Variants in TRPM3 observed in about 807,000 individuals in gnomAD.
The protein encoded by TRPM3 is transient receptor potential cation channel subfamily M member 3, also known as long transient receptor potential channel 3.
TRPM3 carries 77 observed loss-of-function variants against 181.2 expected under a neutral mutation model. The observed-to-expected ratio is 0.42, with a 90% CI of 0.35 to 0.51. TRPM3 has a LOEUF of 0.51. Among genes scored for constraint, TRPM3 ranks in the 20% least tolerant of loss-of-function variants. TRPM3 has a pLI of 0.01. For synonymous variants in TRPM3, 745 were observed against 796.4 expected (o/e 0.94, Z 1.09); for missense variants, 1,759 against 2,196.7 (o/e 0.80, Z 3.98).
At chr9:71,391,125 C>T (rs1171978261) in intron 1 of TRPM3, among the ~76,000 whole-genome samples, 1 of 151,704 alleles carries the variant, frequency 6.6e-6, no homozygotes, top group Non-Finnish European at 1.5e-5. Flanking sequence ...CTCCCTAAGA[C>T]CACCGCTGCC....
intron 1 of TRPM3, among the ~76,000 whole-genome samples, chr9:71,364,295 T>C (rs2092261456): frequency 6.6e-6 from 1 of 152,220 alleles, no homozygotes; most frequent in African/African-American, 2.4e-5. Flanking sequence ...TGTTGAAAAC[T>C]AATTCTTGAA....
At chr9:70,608,915 A>G (rs1589262052) in intron 19 of TRPM3, among the ~76,000 whole-genome samples, 1 of 152,214 alleles carries the variant, frequency 6.6e-6, no homozygotes, top group Non-Finnish European at 1.5e-5. Flanking sequence ...TACCTAGAAC[A>G]TTGCCTCAAA....
chr9:71,117,663 G>A (rs984053984), intron 1 of TRPM3, among the ~76,000 whole-genome samples: 5 of 152,142 alleles, frequency 3.3e-5, no homozygotes, highest in Non-Finnish European at 5.9e-5. Context: ...CCAGTGTCCA[G>A]GCTGACTTTT....
intron 14 of TRPM3, among the ~76,000 whole-genome samples, chr9:70,624,202 A>T (rs1193907764): frequency 6.6e-6 from 1 of 152,190 alleles, no homozygotes; most frequent in Non-Finnish European, 1.5e-5. Flanking sequence ...ATACCTTAAC[A>T]AACTAATTTT....
chr9:70,803,371 TA>T (rs1482426734), intron 6 of TRPM3, among the ~76,000 whole-genome samples: 5 of 151,898 alleles, frequency 3.3e-5, no homozygotes, highest in Admixed American at 1.3e-4. Flanking sequence ...CTCTTTGACA[TA>T]AATATTTTTA....
At chr9:70,645,382 C>A (rs2058677724) in intron 9 of TRPM3, among the ~76,000 whole-genome samples, 1 of 152,090 alleles carries the variant, frequency 6.6e-6, no homozygotes, top group Admixed American at 6.6e-5. Flanking sequence ...TGGAACAGAG[C>A]AGAGGCCTCA....
At chr9:71,302,911 C>G (rs963343771) in intron 1 of TRPM3, among the ~76,000 whole-genome samples, 6 of 151,850 alleles carry the variant, frequency 4.0e-5, no homozygotes, top group African/African-American at 1.5e-4. Flanking sequence ...AGTGCTATGT[C>G]ACTGAGAAAG....
intron 1 of TRPM3, among the ~76,000 whole-genome samples, chr9:71,248,523 A>G (rs1032056048): frequency 3.6e-4 from 55 of 152,342 alleles, no homozygotes; most frequent in African/African-American, 1.3e-3. Context: ...TGGAACCATC[A>G]TATCTCAGTC....
At chr9:70,897,928 C>T (rs1230680127) in intron 1 of TRPM3, among the ~76,000 whole-genome samples, 2 of 151,968 alleles carry the variant, frequency 1.3e-5, no homozygotes, top group Non-Finnish European at 2.9e-5. Context: ...TGTTATTAAA[C>T]AACAGATAAT....
chr9:71,094,213 C>A (rs925039198), intron 1 of TRPM3, among the ~76,000 whole-genome samples: 1 of 151,942 alleles, frequency 6.6e-6, no homozygotes, highest in Non-Finnish European at 1.5e-5. Context: ...ACCTGTATAA[C>A]AAACCTGCAC....
At chr9:71,324,580 A>G (rs562189252) in intron 1 of TRPM3, among the ~76,000 whole-genome samples, 3 of 152,176 alleles carry the variant, frequency 2.0e-5, no homozygotes, top group Admixed American at 6.5e-5. Flanking sequence ...AAAACTAAAA[A>G]TAAAATTACC....
chr9:70,561,618 T>C (rs192112189), intron 22 of TRPM3, among the ~76,000 whole-genome samples: 16 of 152,332 alleles, frequency 1.1e-4, no homozygotes, highest in African/African-American at 3.8e-4. Context: ...CTTTTACTTC[T>C]TTTGTGGCTT....
intron 1 of TRPM3, among the ~76,000 whole-genome samples, chr9:71,107,953 T>C (rs1173134560): frequency 2.6e-5 from 4 of 152,162 alleles, no homozygotes; most frequent in Non-Finnish European, 5.9e-5. Context: ...ACCAGAAGAA[T>C]TGACAAAGCT....
At chr9:71,050,432 A>G (rs1017929773) in intron 1 of TRPM3, among the ~76,000 whole-genome samples, 3 of 152,196 alleles carry the variant, frequency 2.0e-5, no homozygotes, top group South Asian at 2.1e-4. Flanking sequence ...TGTTTCCTAG[A>G]CTAGTTTTAA....
At chr9:71,217,455 C>T (rs1399878771) in intron 1 of TRPM3, among the ~76,000 whole-genome samples, 1 of 152,180 alleles carries the variant, frequency 6.6e-6, no homozygotes, top group Non-Finnish European at 1.5e-5. Flanking sequence ...AAGTCAACGG[C>T]TAAGCATAGC....
chr9:70,796,120 G>A (rs1383800981), intron 6 of TRPM3, among the ~76,000 whole-genome samples: 4 of 152,168 alleles, frequency 2.6e-5, no homozygotes, highest in Non-Finnish European at 5.9e-5. Flanking sequence ...AATCAGGGTG[G>A]TTTTAGCTCA....
At chr9:71,153,126 G>C (rs1029592298) in intron 1 of TRPM3, among the ~76,000 whole-genome samples, 8 of 152,020 alleles carry the variant, frequency 5.3e-5, no homozygotes, top group African/African-American at 1.4e-4. Flanking sequence ...AGGGAAAGCA[G>C]TACCATCAGA....
At chr9:71,397,195 A>G (rs2093221971) in intron 1 of TRPM3, among the ~76,000 whole-genome samples, 3 of 152,180 alleles carry the variant, frequency 2.0e-5, no homozygotes, top group Admixed American at 1.3e-4. Flanking sequence ...GATAAAGATC[A>G]TTTTTGCAGC....
At chr9:70,997,219 G>C (rs1480083379) in intron 1 of TRPM3, among the ~76,000 whole-genome samples, 4 of 151,492 alleles carry the variant, frequency 2.6e-5, no homozygotes, top group Non-Finnish European at 4.4e-5. Flanking sequence ...TGTTTTTTGA[G>C]ATGGAGTCTT....
Sources: allele counts gnomAD v4.1 joint callset (sites outside exome capture counted in the v4.1 genomes callset), GRCh38; gene constraint gnomAD v4.1.1; transcripts MANE v1.5; gene names NCBI Gene and HGNC (gene_info 2026-07-23, HGNC 2026-07-21).